Variants in KCTD12 observed in about 807,000 individuals in gnomAD.
KCTD12 encodes the protein potassium channel tetramerization domain containing 12.
KCTD12 carries 16 observed loss-of-function variants against 22.6 expected under a neutral mutation model. The ratio of observed to expected loss-of-function variants is 0.71; its 90% CI spans 0.48 to 1.07. The LOEUF is 1.07. Among genes scored for constraint, KCTD12 ranks in the 50% least tolerant of loss-of-function variants. KCTD12 has a pLI of 0.00. For missense variants in KCTD12, 452 were observed against 469.2 expected (o/e 0.96, Z 0.34); for synonymous variants, 260 against 228.0 (o/e 1.14, Z -1.26).
chr13:76,886,166 G>A lies in KCTD12; in HGVS notation c.-18C>T, dbSNP rs780506043. On this transcript the variant is annotated 5_prime_UTR_variant, in exon 1 of 1. Coordinates refer to ENST00000377474, the MANE Select transcript of KCTD12 (RefSeq NM_138444.4). ...AGAGCCATGACAGAGAGGTGGCCGG[G>A]CCGGGACAGTGGCAGGAAGCCGCGC... 2.7e-6 allele frequency: 4 copies of A among 1,460,548 alleles called. No individual in the cohort carries two copies. The highest frequency in any genetic ancestry group is 3.6e-6 in the Non-Finnish European group (4 of 1,108,846). 90.5% of individuals were successfully genotyped at this position (1,460,548 alleles called of 1,614,324 possible).
Position 76,886,295 on chromosome 13 carries a change from CCGCCGCCACCTCCTAGAG to C in KCTD12, c.-165_-148del. On this transcript the variant is annotated 5_prime_UTR_variant, in exon 1 of 1. Transcript: ENST00000377474. ...GCCGCCGCCACCGCCGCCACCGCCA[CCGCCGCCACCTCCTAGAG>C]CCGCGCGGAGCCGAGCGGTGCGAGC... The C allele has an allele frequency of 3.0e-6, 3 of 993,334 alleles. No individual in the cohort carries two copies. The highest frequency in any genetic ancestry group is 4.0e-6 in the Non-Finnish European group (3 of 752,380). 61.5% of individuals were successfully genotyped at this position (993,334 alleles called of 1,614,324 possible). A position where few individuals can be genotyped will look rare whatever the true frequency, so the allele number is the denominator to read the frequency against.
Position 76,881,668 on chromosome 13 carries a change from A to AC in KCTD12, c.*3502_*3503insG, listed in dbSNP as rs1555308628. 5.7e-3 allele frequency: 2 copies of AC among 350 alleles called. No individual in the cohort carries two copies. Among genetic ancestry groups the AC allele is most frequent in the African/African-American group, 0.018 (2 of 112 alleles). The allele number at this position is 350 out of a possible 1,614,324, so 0.0% of individuals were successfully genotyped here. A position where few individuals can be genotyped will look rare whatever the true frequency, so the allele number is the denominator to read the frequency against. ...ATCACTGTGCTATCAATCAAAAACC[A>AC]GTAGAATACATAACAACATTGAAAG... On this transcript the variant is annotated 3_prime_UTR_variant, in exon 1 of 1. Transcript: ENST00000377474.
Position 76,885,176 on chromosome 13 carries a change from C to G in KCTD12, c.973G>C (p.Glu325Gln). 1 of 1,611,698 alleles carries G rather than the reference C, an allele frequency of 6.2e-7. No homozygotes were observed. The highest frequency in any genetic ancestry group is 8.5e-7 in the Non-Finnish European group (1 of 1,178,334). ...GGCGAGGGGGTCTGGGGAGCTCACT[C>G]CCTGCAGAAGACGTACTCGGTGTAG... ...TSYTEYVFCRE is the reference protein window; with the variant it reads ...TSYTEYVFCRQ Residue 325 changes from glutamate (E) to glutamine (Q), a missense_variant, in exon 1 of 1, where the codon GAG (glutamate) becomes CAG (glutamine). By Grantham distance (29) the Glu-to-Gln change is conservative. Transcript: ENST00000377474. The surrounding 1 kb of genome is among the most constrained non-coding windows in gnomAD (Gnocchi z 5.1).
In KCTD12 at chr13:76,886,172, A is replaced by C. The variant is rs1467319690; in HGVS notation, c.-24T>G. ...ATGACAGAGAGGTGGCCGGGCCGGG[A>C]CAGTGGCAGGAAGCCGCGCTGCACT... On this transcript the variant is annotated 5_prime_UTR_variant, in exon 1 of 1. Coordinates refer to ENST00000377474, the MANE Select transcript of KCTD12 (RefSeq NM_138444.4). 3 of 1,448,936 alleles carry C rather than the reference A, an allele frequency of 2.1e-6. No individual in the cohort carries two copies. The African/African-American group carries it at 4.4e-5, about 21-fold the overall frequency. 89.8% of individuals were successfully genotyped at this position (1,448,936 alleles called of 1,614,324 possible).
In KCTD12 at chr13:76,882,846, C is replaced by CA. The variant is rs1275243630; in HGVS notation, c.*2324dup. On this transcript the variant is annotated 3_prime_UTR_variant, in exon 1 of 1. Coordinates refer to ENST00000377474, the MANE Select transcript of KCTD12 (RefSeq NM_138444.4). ...TGTATATGAAGTCAATTTTACTTCT[C>CA]AAAAAATGTTAGTCTAATAAAAGAC... 6.6e-6 allele frequency: 1 copy of CA among 151,940 alleles called. No individual in the cohort carries two copies. The highest frequency in any genetic ancestry group is 1.5e-5 in the Non-Finnish European group (1 of 67,984). 9.4% of individuals were successfully genotyped at this position (151,940 alleles called of 1,614,324 possible).
rs1343391062 is a variant in KCTD12, at chr13:76,884,357, C to T, written c.*814G>A. 2 of 152,222 alleles carry T rather than the reference C, an allele frequency of 1.3e-5. No individual in the cohort carries two copies. The highest frequency in any genetic ancestry group is 2.9e-5 in the Non-Finnish European group (2 of 68,044). 9.4% of individuals were successfully genotyped at this position (152,222 alleles called of 1,614,324 possible). On this transcript the variant is annotated 3_prime_UTR_variant, in exon 1 of 1. Transcript: ENST00000377474. Reference sequence around the variant, plus strand: ...TCTTAGGCGGCAGCGTCCTTTCTCCCTCTTGCCAGTAACTGCTGCCATGTC... The same window carrying T: ...TCTTAGGCGGCAGCGTCCTTTCTCCTTCTTGCCAGTAACTGCTGCCATGTC...
rs2033227877 is a variant in KCTD12 at position 76,883,623 on chromosome 13, C to T, written c.*1548G>A. ...TATTTGCCTTCATTTAAAAATATTC[C>T]ATTTTACAGCTATCTACAGATAGGC... On this transcript the variant is annotated 3_prime_UTR_variant, in exon 1 of 1. Coordinates refer to ENST00000377474, the MANE Select transcript of KCTD12 (RefSeq NM_138444.4). 1 of 152,552 alleles carries T rather than the reference C, an allele frequency of 6.6e-6. No homozygotes were observed. Among genetic ancestry groups the T allele is most frequent in the Non-Finnish European group, 1.5e-5 (1 of 68,024 alleles). 9.4% of individuals were successfully genotyped at this position (152,552 alleles called of 1,614,324 possible). A position where few individuals can be genotyped will look rare whatever the true frequency, so the allele number is the denominator to read the frequency against.
At position 76,881,902 on chromosome 13, in the gene KCTD12, C is replaced by A. The variant is rs1313292934; in HGVS notation, c.*3269G>T. 1 of 151,532 alleles carries A rather than the reference C, an allele frequency of 6.6e-6. No individual in the cohort carries two copies. Among genetic ancestry groups the A allele is most frequent in the East Asian group, 1.9e-4 (1 of 5,182 alleles). 9.4% of individuals were successfully genotyped at this position (151,532 alleles called of 1,614,324 possible). On this transcript the variant is annotated 3_prime_UTR_variant, in exon 1 of 1. Transcript: ENST00000377474. ...AAAAATTAAGTTTGTTACTAAAAGTCCAATGTCATTCACTTGTATTTATGA... is the reference window on the plus strand; with the variant it reads ...AAAAATTAAGTTTGTTACTAAAAGTACAATGTCATTCACTTGTATTTATGA...
Position 76,882,045 on chromosome 13 carries a change from G to A in KCTD12, c.*3126C>T. On this transcript the variant is annotated 3_prime_UTR_variant, in exon 1 of 1. Transcript: ENST00000377474. ...CCCAGGTTATTTGAATGGTATCTTTGGAGGGCTTACTCAAATGAACCCACA... is the reference window on the plus strand; with the variant it reads ...CCCAGGTTATTTGAATGGTATCTTTAGAGGGCTTACTCAAATGAACCCACA... The A allele has an allele frequency of 6.6e-6, 1 of 152,004 alleles. No homozygotes were observed. The highest frequency in any genetic ancestry group is 1.5e-5 in the Non-Finnish European group (1 of 68,002). The allele number at this position is 152,004 out of a possible 1,614,324, so 9.4% of individuals were successfully genotyped here. A position where few individuals can be genotyped will look rare whatever the true frequency, so the allele number is the denominator to read the frequency against.
In KCTD12 at chr13:76,885,664, G is replaced by C. The variant is rs1202934734; in HGVS notation, c.485C>G (p.Ser162Trp). ...GGCGCCCTCCTGCTGTTCGGGCTCC[G>C]AGTAGCCAAGCGGCAGCAGCTCGTC... ...LGDELLPLGY[S>W]EPEQQEGASA... is the part of the protein sequence containing the mutation. Residue 162 changes from serine (S) to tryptophan (W), a missense_variant, in exon 1 of 1, where the codon TCG (serine) becomes TGG (tryptophan). By Grantham distance (177) the Ser-to-Trp change is radical (BLOSUM62 -3). This residue lies in a region of KCTD12 where 330 missense variants were observed against 296.5 expected (regional missense o/e 1.11). Transcript: ENST00000377474. This position sits in a 1 kb window ranked among gnomAD's most constrained non-coding sequence, Gnocchi z 5.1. 6.8e-7 allele frequency: 1 copy of C among 1,470,510 alleles called. No homozygotes were observed. The highest frequency in any genetic ancestry group is 1.5e-5 in the African/African-American group (1 of 68,216). The allele number at this position is 1,470,510 out of a possible 1,614,324, so 91.1% of individuals were successfully genotyped here. A position where few individuals can be genotyped will look rare whatever the true frequency, so the allele number is the denominator to read the frequency against.
In KCTD12 at chr13:76,881,840, T is replaced by G. The variant is rs1410597770; in HGVS notation, c.*3331A>C. The G allele has an allele frequency of 4.6e-5, 7 of 150,722 alleles. No homozygotes were observed. The highest frequency in any genetic ancestry group is 1.0e-4 in the Non-Finnish European group (7 of 67,538). The allele number at this position is 150,722 out of a possible 1,614,324, so 9.3% of individuals were successfully genotyped here. A position where few individuals can be genotyped will look rare whatever the true frequency, so the allele number is the denominator to read the frequency against. ...AACACACAGAACCTGGTACCTGTTT[T>G]TTTTTTTTTTTTAACCACCATTGTC... On this transcript the variant is annotated 3_prime_UTR_variant, in exon 1 of 1. Transcript: ENST00000377474.
chr13:76,885,624 C>A lies in KCTD12; in HGVS notation c.525G>T (p.Pro175=), dbSNP rs1403966159. ...GGCTAGCCAGCTCCAGCGTGGGCGA[C>A]GGCGCCCCGGCAGAGGCGCCCTCCT... The part of the protein sequence containing the change: ...EQQEGASAGA[P]SPTLELASRS... Residue 175 remains proline, a synonymous_variant, in exon 1 of 1, where the codon CCG becomes CCT. Transcript: ENST00000377474. The surrounding 1 kb of genome is among the most constrained non-coding windows in gnomAD (Gnocchi z 5.1). 2.0e-6 allele frequency: 3 copies of A among 1,496,068 alleles called. No individual in the cohort carries two copies. Among genetic ancestry groups the A allele is most frequent in the African/African-American group, 1.4e-5 (1 of 69,802 alleles). 92.7% of individuals were successfully genotyped at this position (1,496,068 alleles called of 1,614,324 possible).
rs2033274594 is a variant in KCTD12 at position 76,886,285 on chromosome 13, G to GCCGCCACCGCCGCCA, written c.-138_-137insTGGCGGCGGTGGCGG. The stretch of plus-strand genomic sequence containing the variant: ...CGCCGCCGCCGCCGCCGCCACCGCC[G>GCCGCCACCGCCGCCA]CCACCGCCACCGCCGCCACCTCCTA... On this transcript the variant is annotated 5_prime_UTR_variant, in exon 1 of 1. Transcript: ENST00000377474. 1 of 1,009,720 alleles carries GCCGCCACCGCCGCCA rather than the reference G, an allele frequency of 9.9e-7. No individual in the cohort carries two copies. Among genetic ancestry groups the GCCGCCACCGCCGCCA allele is most frequent in the African/African-American group, 1.8e-5 (1 of 55,164 alleles). The allele number at this position is 1,009,720 out of a possible 1,614,324, so 62.5% of individuals were successfully genotyped here.
Position 76,885,668 on chromosome 13 carries a change from A to G in KCTD12, c.481T>C (p.Tyr161His). 5 of 1,466,054 alleles carry G rather than the reference A, an allele frequency of 3.4e-6. No individual in the cohort carries two copies. The highest frequency in any genetic ancestry group is 4.5e-6 in the Non-Finnish European group (5 of 1,122,014). 90.8% of individuals were successfully genotyped at this position (1,466,054 alleles called of 1,614,324 possible). Residue 161 changes from tyrosine (Y) to histidine (H), a missense_variant, in exon 1 of 1, where the codon TAC (tyrosine) becomes CAC (histidine). This residue lies in a region of KCTD12 where 330 missense variants were observed against 296.5 expected (regional missense o/e 1.11). Transcript: ENST00000377474. This position sits in a 1 kb window ranked among gnomAD's most constrained non-coding sequence, Gnocchi z 5.1. ...CCCTCCTGCTGTTCGGGCTCCGAGTAGCCAAGCGGCAGCAGCTCGTCACCC... is the reference window on the plus strand; with the variant it reads ...CCCTCCTGCTGTTCGGGCTCCGAGTGGCCAAGCGGCAGCAGCTCGTCACCC... ...SLGDELLPLGYSEPEQQEGAS... is the reference protein window; with the variant it reads ...SLGDELLPLGHSEPEQQEGAS...
Position 76,886,285 on chromosome 13 carries a change from G to GCCA in KCTD12, c.-140_-138dup, listed in dbSNP as rs57241383. The stretch of plus-strand genomic sequence containing the variant: ...CGCCGCCGCCGCCGCCGCCACCGCC[G>GCCA]CCACCGCCACCGCCGCCACCTCCTA... On this transcript the variant is annotated 5_prime_UTR_variant, in exon 1 of 1. Transcript: ENST00000377474. The GCCA allele has an allele frequency of 0.14, 144,216 of 1,012,958 alleles. 9,857 individuals carry two copies. Among genetic ancestry groups the GCCA allele is most frequent in the African/African-American group, 0.24 (13,364 of 55,272 alleles). 62.7% of individuals were successfully genotyped at this position (1,012,958 alleles called of 1,614,324 possible).
chr13:76,886,329 C>G lies in KCTD12; in HGVS notation c.-181G>C, dbSNP rs1160783091. On this transcript the variant is annotated 5_prime_UTR_variant, in exon 1 of 1. Transcript: ENST00000377474. ...CCTCCTAGAGCCGCGCGGAGCCGAG[C>G]GGTGCGAGCGCGCCGCTGTGCGCCC... 6 of 602,160 alleles carry G rather than the reference C, an allele frequency of 1.0e-5. No individual in the cohort carries two copies. Among genetic ancestry groups the G allele is most frequent in the Non-Finnish European group, 1.4e-5 (6 of 429,686 alleles). The allele number at this position is 602,160 out of a possible 1,614,324, so 37.3% of individuals were successfully genotyped here. A position where few individuals can be genotyped will look rare whatever the true frequency, so the allele number is the denominator to read the frequency against.
Position 76,885,762 on chromosome 13 carries a change from G to A in KCTD12, c.387C>T (p.Leu129=), listed in dbSNP as rs757151920. The A allele has an allele frequency of 4.0e-5, 61 of 1,525,814 alleles. No homozygotes were observed. In the African/African-American group the frequency reaches 6.1e-4, roughly 15 times the overall value. The allele number at this position is 1,525,814 out of a possible 1,614,324, so 94.5% of individuals were successfully genotyped here. ...CCGGGCCGGGCTGCTGGGGCGCCCCGAGGCGGCGCACGAGCTCTGGCAGCT... is the reference window on the plus strand; with the variant it reads ...CCGGGCCGGGCTGCTGGGGCGCCCCAAGGCGGCGCACGAGCTCTGGCAGCT... ...YFELPELVRR[L]GAPQQPGPGP... The change falls in exon 1 of 1, where the codon CTC becomes CTT. Residue 129 remains leucine (L), a synonymous_variant. Coordinates refer to ENST00000377474, the MANE Select transcript of KCTD12 (RefSeq NM_138444.4). The surrounding 1 kb of genome is among the most constrained non-coding windows in gnomAD (Gnocchi z 5.1).
rs1455112148 is a variant in KCTD12 at position 76,881,029 on chromosome 13, C to T, written c.*4142G>A. 6.6e-6 allele frequency: 1 copy of T among 152,138 alleles called. No individual in the cohort carries two copies. The highest frequency in any genetic ancestry group is 1.9e-4 in the East Asian group (1 of 5,206). 9.4% of individuals were successfully genotyped at this position (152,138 alleles called of 1,614,324 possible). A position where few individuals can be genotyped will look rare whatever the true frequency, so the allele number is the denominator to read the frequency against. Reference sequence around the variant, plus strand: ...ACTGTTGACAAAGAAAAGCTAACTTCAACATAACTTGTTTCTGGCTATACA... The same window carrying T: ...ACTGTTGACAAAGAAAAGCTAACTTTAACATAACTTGTTTCTGGCTATACA... On this transcript the variant is annotated 3_prime_UTR_variant, in exon 1 of 1. Transcript: ENST00000377474.
In KCTD12 at chr13:76,886,179, C is replaced by T. The variant is rs1362692687; in HGVS notation, c.-31G>A. On this transcript the variant is annotated 5_prime_UTR_variant, in exon 1 of 1. Transcript: ENST00000377474. ...AGAGGTGGCCGGGCCGGGACAGTGG[C>T]AGGAAGCCGCGCTGCACTCAGGAGC... The T allele has an allele frequency of 1.7e-5, 25 of 1,439,664 alleles. No individual in the cohort carries two copies. The Admixed American group carries it at 7.1e-4, about 41-fold the overall frequency. The allele number at this position is 1,439,664 out of a possible 1,614,324, so 89.2% of individuals were successfully genotyped here.
Sources: gnomAD v4.1 joint callset for allele counts on GRCh38, gnomAD v4.1.1 for gene constraint, gnomAD v4.1.1 regional missense constraint, Gnocchi (gnomAD v3.1) non-coding constraint, MANE v1.5 for transcripts, NCBI Gene and HGNC (gene_info 2026-07-23, HGNC 2026-07-21) for gene names.